The following OSMR variants were observed in gnomAD, a reference collection of about 807,000 sequenced individuals.
OSMR encodes the protein oncostatin M receptor, also known as oncostatin-M-specific receptor subunit beta.
A neutral mutation model predicts 99.9 loss-of-function variants in OSMR; 81 were observed. The observed-to-expected ratio is 0.81, with a 90% CI of 0.68 to 0.97. The LOEUF (loss-of-function observed/expected upper bound fraction) is 0.97, where lower values mean the gene tolerates loss of function less well. Ranked by LOEUF, OSMR falls within the 50% of genes least tolerant of loss-of-function variation. The pLI is 0.00. For synonymous variants in OSMR, 406 were observed against 410.4 expected, an observed-to-expected ratio of 0.99 and a Z score of 0.13; for missense variants, 1,099 against 1,153.4, an observed-to-expected ratio of 0.95 and a Z score of 0.68.
chr5:38,909,579 AAC>A (rs1208246050), intron 9 of OSMR, among the ~76,000 whole-genome samples: 9 of 152,234 alleles, frequency 5.9e-5, no homozygotes, highest in Admixed American at 3.3e-4. Flanking sequence ...GCCTGTACTG[AAC>A]ATTCTTAAAA....
Position 38,886,344 on chromosome 5 carries a change from C to A in OSMR, c.991+154C>A, listed in dbSNP as rs142456357. The A allele has an allele frequency of 1.8e-5, 27 of 1,470,296 alleles. No homozygotes were observed. In the African/African-American group the frequency reaches 3.7e-4, roughly 20 times the overall value. The allele number at this position is 1,470,296 out of a possible 1,614,324, so 91.1% of individuals were successfully genotyped here. ...CTATTGTTCATGCCACGTTTCTCCTCATGGATGCACGCATCCCCTATTATT... is the reference window on the plus strand; with the variant it reads ...CTATTGTTCATGCCACGTTTCTCCTAATGGATGCACGCATCCCCTATTATT... On this transcript the variant is annotated intron_variant, in intron 7 of 17. Coordinates refer to ENST00000274276, the MANE Select transcript of OSMR (RefSeq NM_003999.3).
intron 1 of OSMR, among the ~76,000 whole-genome samples, chr5:38,865,603 C>G (rs968567883): frequency 1.3e-5 from 2 of 152,244 alleles, no homozygotes; most frequent in Admixed American, 6.5e-5. Context: ...GGACACCAGA[C>G]AGGCTGGTTG....
intron 1 of OSMR, among the ~76,000 whole-genome samples, chr5:38,856,737 A>G (rs1357111053): frequency 6.6e-6 from 1 of 152,292 alleles, no homozygotes; most frequent in East Asian, 1.9e-4. Context: ...GAACTCCCAG[A>G]AACAAGGGAT....
At chr5:38,871,570 C>A (rs1742391700) in intron 2 of OSMR, among the ~76,000 whole-genome samples, 1 of 152,206 alleles carries the variant, frequency 6.6e-6, no homozygotes, top group Admixed American at 6.5e-5. Flanking sequence ...CTTAATTTCT[C>A]CAATCAACGA....
intron 1 of OSMR, chr5:38,943,050 A>G (rs1032169440): frequency 9.7e-7 from 1 of 1,032,336 alleles, no homozygotes; most frequent in African/African-American, 1.6e-5. Context: ...ACTTACTTTA[A>G]AAATAGATTT....
At chr5:38,862,746 A>G (rs1470678021) in intron 1 of OSMR, among the ~76,000 whole-genome samples, 3 of 151,302 alleles carry the variant, frequency 2.0e-5, no homozygotes, top group African/African-American at 7.4e-5. Flanking sequence ...GGCGCTCCTC[A>G]CTTCCCAGAC....
chr5:38,932,456 T>G lies in OSMR; in HGVS notation c.2295-7T>G, dbSNP rs756540122. 12 of 1,612,058 alleles carry G rather than the reference T, an allele frequency of 7.4e-6. No homozygotes were observed. The highest frequency in any genetic ancestry group is 1.0e-5 in the Non-Finnish European group (12 of 1,178,236). The stretch of plus-strand genomic sequence containing the variant: ...AAATTCAGTCTCATTTTCGCTTTTT[T>G]TTCTAGGATCAAGGAGACCTGTTAT... On this transcript the variant is annotated splice_region_variant and splice_polypyrimidine_tract_variant and intron_variant, in intron 16 of 17. Transcript: ENST00000274276.
chr5:38,909,964 T>G (rs1285923336), intron 9 of OSMR, among the ~76,000 whole-genome samples: 1 of 152,208 alleles, frequency 6.6e-6, no homozygotes, highest in East Asian at 1.9e-4. Flanking sequence ...TCCAACTGTA[T>G]GCTGTCTACA....
Position 38,932,998 on chromosome 5 carries a change from T to C in OSMR, c.2494T>C (p.Leu832=), listed in dbSNP as rs202239053. Residue 832 remains leucine (L), a synonymous_variant, in exon 18 of 18, where the codon TTG becomes CTG. Transcript: ENST00000274276. ...GTRKSLTETE[L]TKPNYLYLLP... ...TAGGAAGTCACTCACAGAAACCGAG[T>C]TGACTAAGCCTAACTACCTTTATCT... is the stretch of plus-strand genomic sequence containing the variant. 1 of 1,613,942 alleles carries C rather than the reference T, an allele frequency of 6.2e-7. No homozygotes were observed. Among genetic ancestry groups the C allele is most frequent in the Non-Finnish European group, 8.5e-7 (1 of 1,179,966 alleles).
At position 38,917,559 on chromosome 5, in the gene OSMR, C is replaced by T. The variant is rs756753395; in HGVS notation, c.1299C>T (p.Ala433=). Residue 433 remains alanine, a synonymous_variant, in exon 10 of 18, where the codon GCC becomes GCT. Transcript: ENST00000274276. ...GGTTAATTTCAGCTCCCTCAGAGGC[C>T]CCTGATGTCTGGAGAATTGTGAGCT... is the stretch of plus-strand genomic sequence containing the variant. ...FTTLEAAPSE[A]PDVWRIVSLE... 3.7e-6 allele frequency: 6 copies of T among 1,613,560 alleles called. No homozygotes were observed. Among genetic ancestry groups the T allele is most frequent in the African/African-American group, 1.3e-5 (1 of 75,022 alleles).
In OSMR at chr5:38,935,363, A is replaced by ACAT. The variant is rs1291407772; in HGVS notation, c.*1920_*1922dup. The ACAT allele has an allele frequency of 2.6e-5, 4 of 152,182 alleles. No homozygotes were observed. Among genetic ancestry groups the ACAT allele is most frequent in the East Asian group, 1.9e-4 (1 of 5,192 alleles). 9.4% of individuals were successfully genotyped at this position (152,182 alleles called of 1,614,324 possible). A position where few individuals can be genotyped will look rare whatever the true frequency, so the allele number is the denominator to read the frequency against. On this transcript the variant is annotated 3_prime_UTR_variant, in exon 18 of 18. Coordinates refer to ENST00000274276, the MANE Select transcript of OSMR (RefSeq NM_003999.3). ...AACCAGTACTTGCCTTTTGCTGGAA[A>ACAT]CATTGATTATGTGCTCCTCACGTAG...
chr5:38,849,297 G>A (rs1017686342), intron 1 of OSMR, among the ~76,000 whole-genome samples: 4 of 152,154 alleles, frequency 2.6e-5, no homozygotes, highest in Admixed American at 1.3e-4. Flanking sequence ...GGAAGGTAAC[G>A]ATGTAACTTA....
chr5:38,849,878 G>A (rs962500321), intron 1 of OSMR, among the ~76,000 whole-genome samples: 1 of 151,986 alleles, frequency 6.6e-6, no homozygotes, highest in Non-Finnish European at 1.5e-5. Flanking sequence ...TTTTCTTAGC[G>A]CTGTTGTGAG....
At chr5:38,945,215 T>C (rs1408803512), downstream of OSMR, 4 of 664,534 alleles carry the variant, frequency 6.0e-6, no homozygotes, top group Non-Finnish European at 1.0e-5. Context: ...TTTTTCCTCA[T>C]AGAAAATGAA....
chr5:38,878,581 C>G (rs868208892), intron 3 of OSMR, among the ~76,000 whole-genome samples: 73 of 152,260 alleles, frequency 4.8e-4, no homozygotes, highest in African/African-American at 1.7e-3. Flanking sequence ...AGAGCTCAAG[C>G]TTGGAAGGAG....
intron 1 of OSMR, among the ~76,000 whole-genome samples, chr5:38,865,970 G>T (rs1741905675): frequency 6.6e-6 from 1 of 152,190 alleles, no homozygotes; most frequent in Admixed American, 6.5e-5. Context: ...ATGATGGCAG[G>T]CTCATGCTCA....
At chr5:38,921,534 G>A in intron 11 of OSMR, 81 bp from the exon 12 acceptor site, 1 of 1,602,996 alleles carries the variant, frequency 6.2e-7, no homozygotes, top group Non-Finnish European at 8.5e-7. Context: ...GTGCATGTAT[G>A]TATTTACTTT....
intron 11 of OSMR, among the ~76,000 whole-genome samples, chr5:38,920,630 C>T (rs1243267668): frequency 6.6e-6 from 1 of 152,058 alleles, no homozygotes; most frequent in African/African-American, 2.4e-5. Context: ...ATTTTGATGC[C>T]CTATAAAAAT....
chr5:38,873,421 C>A (rs939657261), intron 2 of OSMR, among the ~76,000 whole-genome samples: 1 of 152,168 alleles, frequency 6.6e-6, no homozygotes, highest in African/African-American at 2.4e-5. Context: ...TGTTTCAATT[C>A]CTGCTTTCAA....
Sources: allele counts gnomAD v4.1 joint callset (sites outside exome capture counted in the v4.1 genomes callset), GRCh38; gene constraint gnomAD v4.1.1; transcripts MANE v1.5; gene names NCBI Gene and HGNC (gene_info 2026-07-23, HGNC 2026-07-21).